ANO1: variants seen among roughly 807,000 people sequenced by gnomAD.
The protein encoded by ANO1 is anoctamin 1, also known as anoctamin-1.
A neutral mutation model predicts 124.0 loss-of-function variants in ANO1; 59 were observed. The ratio of observed to expected loss-of-function variants is 0.48; its 90% CI spans 0.39 to 0.59. ANO1 has a LOEUF of 0.59. ANO1 is among the 20% of genes least tolerant of loss of function. The probability of loss-of-function intolerance (pLI) is 0.00; values close to 1 mark genes in which losing one functional copy is unlikely to be tolerated. For synonymous variants in ANO1, 529 were observed against 532.0 expected (o/e 0.99, Z 0.08); for missense variants, 1,059 against 1,328.0 (o/e 0.80, Z 3.15).
chr11:70,079,151 G>A (rs2044127318), intron 1 of ANO1, among the ~76,000 whole-genome samples: 1 of 152,110 alleles, frequency 6.6e-6, no homozygotes, highest in Admixed American at 6.5e-5. Flanking sequence ...TTGGGTGAAG[G>A]CCAAGTTGGT....
chr11:70,094,872 C>A (rs1292663088), intron 2 of ANO1, among the ~76,000 whole-genome samples: 1 of 152,164 alleles, frequency 6.6e-6, no homozygotes, highest in African/African-American at 2.4e-5. Context: ...GCCTGATTTT[C>A]TTTTGGCTTG....
At position 70,116,456 on chromosome 11, in the gene ANO1, AG is replaced by A; in HGVS notation, c.857del. ...AACGTCCCTTTCCTCTTTTTTTAACAGGGAGACTACAACGGTGAAAACGTCG... is the reference window on the plus strand; with the variant it reads ...AACGTCCCTTTCCTCTTTTTTTAACAGGAGACTACAACGGTGAAAACGTCG... On this transcript the variant is annotated splice_acceptor_variant, in intron 7 of 25. Coordinates refer to ENST00000355303, the MANE Select transcript of ANO1 (RefSeq NM_018043.7). LOFTEE classifies it high-confidence loss of function. 1 of 1,597,544 alleles carries A rather than the reference AG, an allele frequency of 6.3e-7. No individual in the cohort carries two copies. The highest frequency in any genetic ancestry group is 8.5e-7 in the Non-Finnish European group (1 of 1,171,826).
intron 5 of ANO1, among the ~76,000 whole-genome samples, chr11:70,107,608 G>T (rs1287375251): frequency 6.6e-6 from 1 of 152,012 alleles, no homozygotes; most frequent in African/African-American, 2.4e-5. Context: ...TGCATAGCAC[G>T]ACCAGTTCTT....
chr11:69,976,929 T>TC, the ANO1 span, among the ~76,000 whole-genome samples: 2,872 of 152,218 alleles, frequency 0.019, 189 homozygotes, highest in East Asian at 0.23. Context: ...GTCATGTTCA[T>TC]CCCCCCGGGA....
chr11:70,070,868 A>G (rs1199459361), intron 1 of ANO1, among the ~76,000 whole-genome samples: 1 of 152,326 alleles, frequency 6.6e-6, no homozygotes, highest in Admixed American at 6.5e-5. Context: ...GTACCTGCCA[A>G]GGCGGAGTCC....
intron 24 of ANO1, among the ~76,000 whole-genome samples, chr11:70,183,451 G>A (rs1234826060): frequency 1.3e-5 from 2 of 152,216 alleles, no homozygotes; most frequent in African/African-American, 4.8e-5. Flanking sequence ...CTATTGCCAT[G>A]AGGAGGGGGG....
chr11:70,021,683 G>T (rs1856812638), intron 1 of ANO1, among the ~76,000 whole-genome samples: 1 of 152,066 alleles, frequency 6.6e-6, no homozygotes. Flanking sequence ...AATTCCAGCG[G>T]TGACATTTGT....
At chr11:70,149,684 G>C in intron 11 of ANO1, 26 bp from the exon 12 acceptor site, 9 of 1,605,102 alleles carry the variant, frequency 5.6e-6, no homozygotes, top group Non-Finnish European at 7.7e-6. Context: ...TGTCATCAGA[G>C]ACTCTGGTTT....
At chr11:70,038,801 G>GGT (rs1274115367) in intron 1 of ANO1, among the ~76,000 whole-genome samples, 3 of 152,232 alleles carry the variant, frequency 2.0e-5, no homozygotes, top group African/African-American at 7.2e-5. Flanking sequence ...CCTCAGAGGA[G>GGT]CAGTAAAGTA....
At chr11:70,145,283 C>T (rs77699715) in intron 11 of ANO1, among the ~76,000 whole-genome samples, 7,630 of 152,240 alleles carry the variant, frequency 0.05, 637 homozygotes, top group African/African-American at 0.17. Context: ...TCCACCCCCA[C>T]GCTCACTGCC....
intron 8 of ANO1, among the ~76,000 whole-genome samples, chr11:70,119,904 T>C (rs551078807): frequency 6.6e-6 from 1 of 151,856 alleles, no homozygotes; most frequent in East Asian, 1.9e-4. Context: ...GGTGGGTAGA[T>C]GGATGATGGA....
At chr11:70,171,730 G>A (rs1294295015) in intron 22 of ANO1, among the ~76,000 whole-genome samples, 3 of 152,194 alleles carry the variant, frequency 2.0e-5, no homozygotes, top group Non-Finnish European at 4.4e-5. Context: ...GCTTTGGGAG[G>A]CCCAGGAGGA....
intron 1 of ANO1, among the ~76,000 whole-genome samples, chr11:70,062,036 A>G (rs916434484): frequency 4.1e-5 from 6 of 147,804 alleles, no homozygotes; most frequent in African/African-American, 1.5e-4. Context: ...CTTTGGAAAT[A>G]GAGAGGTGAT....
intron 1 of ANO1, among the ~76,000 whole-genome samples, chr11:70,038,755 C>T (rs1339324829): frequency 2.0e-5 from 3 of 152,100 alleles, no homozygotes; most frequent in African/African-American, 7.2e-5. Flanking sequence ...AACCGCAGGA[C>T]CAGAAGACCT....
intron 1 of ANO1, among the ~76,000 whole-genome samples, chr11:69,994,112 C>G (rs1856213780): frequency 6.7e-6 from 1 of 149,444 alleles, no homozygotes; most frequent in Non-Finnish European, 1.5e-5. Flanking sequence ...AACCCCCCCC[C>G]ACAGTCACAG....
intron 1 of ANO1, chr11:70,014,792 C>A (rs1313472971): frequency 6.6e-6 from 1 of 151,756 alleles, no homozygotes; most frequent in African/African-American, 2.4e-5. Flanking sequence ...TGCTCTGCAT[C>A]CTCAGTACTT....
At chr11:70,104,621 C>A (rs998114283) in intron 4 of ANO1, among the ~76,000 whole-genome samples, 2 of 152,194 alleles carry the variant, frequency 1.3e-5, no homozygotes, top group South Asian at 2.1e-4. Context: ...GGCAGGGCCA[C>A]GTCTATTCTG....
chr11:70,164,688 C>A (rs1479968095), intron 19 of ANO1, among the ~76,000 whole-genome samples: 1 of 152,118 alleles, frequency 6.6e-6, no homozygotes, highest in African/African-American at 2.4e-5. Flanking sequence ...CTGACTGTCA[C>A]CTGCTTGCCG....
intron 1 of ANO1, among the ~76,000 whole-genome samples, chr11:70,026,649 C>A (rs1555003266): frequency 6.6e-6 from 1 of 152,144 alleles, no homozygotes; most frequent in Non-Finnish European, 1.5e-5. Context: ...ACCAGGGTCA[C>A]TTTCTCAAAT....
Sources: allele counts gnomAD v4.1 joint callset (sites outside exome capture counted in the v4.1 genomes callset), GRCh38; gene constraint gnomAD v4.1.1; transcripts MANE v1.5; gene names NCBI Gene and HGNC (gene_info 2026-07-23, HGNC 2026-07-21).